NCAM1: variants seen among roughly 807,000 people sequenced by gnomAD.
NCAM1 encodes antigen recognized by monoclonal antibody 5.1H11.
NCAM1 carries 14 observed loss-of-function variants against 109.8 expected under a neutral mutation model. That is an observed-to-expected ratio of 0.13 (90% CI 0.08 to 0.20). The LOEUF is 0.20. Ranked by LOEUF, NCAM1 falls within the 10% of genes least tolerant of loss-of-function variation. The pLI, the probability that NCAM1 is intolerant of heterozygous loss-of-function variation, is 1.00. For synonymous variants in NCAM1, 418 were observed against 442.9 expected, an observed-to-expected ratio of 0.94 and a Z score of 0.70; for missense variants, 774 against 1,109.9, an observed-to-expected ratio of 0.70 and a Z score of 4.30.
At chr11:113,263,170 A>C (rs1194871032) in intron 17 of NCAM1, 1 of 1,182,510 alleles carries the variant, frequency 8.5e-7, no homozygotes, top group Non-Finnish European at 1.0e-6. Context: ...AGAATTTGAG[A>C]GCTCTTTCTT....
intron 1 of NCAM1, among the ~76,000 whole-genome samples, chr11:113,016,429 C>T (rs561132816): frequency 1.3e-5 from 2 of 152,294 alleles, no homozygotes; most frequent in South Asian, 4.1e-4. Context: ...TGGTGCTGCT[C>T]TCATGCCACC....
chr11:113,034,284 T>C (rs980423227), intron 1 of NCAM1, among the ~76,000 whole-genome samples: 7 of 152,162 alleles, frequency 4.6e-5, no homozygotes, highest in Non-Finnish European at 4.4e-5. Context: ...ACTTTTTTTT[T>C]TTCACTTTCA....
At chr11:113,132,355 A>C (rs1356432867) in intron 1 of NCAM1, among the ~76,000 whole-genome samples, 1 of 152,162 alleles carries the variant, frequency 6.6e-6, no homozygotes, top group Non-Finnish European at 1.5e-5. Context: ...TTGCCTCTTT[A>C]ACTAGGAAAA....
At chr11:113,011,740 T>G (rs1952061639) in intron 1 of NCAM1, among the ~76,000 whole-genome samples, 1 of 152,208 alleles carries the variant, frequency 6.6e-6, no homozygotes, top group African/African-American at 2.4e-5. Context: ...GAGGGGATCG[T>G]TAAGCAGTCT....
intron 1 of NCAM1, among the ~76,000 whole-genome samples, chr11:112,965,069 C>T (rs1591193859): frequency 8.1e-6 from 1 of 123,782 alleles, no homozygotes; most frequent in African/African-American, 3.0e-5. Flanking sequence ...ATACCTTTAT[C>T]TAGGATTTTT....
At chr11:113,012,276 C>G (rs1216452270) in intron 1 of NCAM1, among the ~76,000 whole-genome samples, 2 of 152,080 alleles carry the variant, frequency 1.3e-5, no homozygotes, top group Non-Finnish European at 2.9e-5. Context: ...GCCTTGGCCT[C>G]CCAAAGTTTG....
chr11:112,985,815 T>C (rs1951285657), intron 1 of NCAM1, among the ~76,000 whole-genome samples: 1 of 151,944 alleles, frequency 6.6e-6, no homozygotes, highest in South Asian at 2.1e-4. Context: ...GAATCTTTAG[T>C]GTTTTTTAAT....
chr11:113,175,388 A>G (rs1943115601), intron 1 of NCAM1, among the ~76,000 whole-genome samples: 2 of 152,176 alleles, frequency 1.3e-5, no homozygotes, highest in Admixed American at 1.3e-4. Flanking sequence ...GGGTACATCC[A>G]CCCTAGTTGG....
chr11:113,042,130 T>A (rs1361177043), intron 1 of NCAM1, among the ~76,000 whole-genome samples: 1 of 152,188 alleles, frequency 6.6e-6, no homozygotes, highest in Non-Finnish European at 1.5e-5. Flanking sequence ...CTCCAGCAGA[T>A]CCCTGAGCCC....
chr11:113,022,266 G>C (rs1250595168), intron 1 of NCAM1, among the ~76,000 whole-genome samples: 2 of 152,202 alleles, frequency 1.3e-5, no homozygotes, highest in African/African-American at 2.4e-5. Flanking sequence ...AGTTCTCAGA[G>C]ATAAATGTTT....
intron 1 of NCAM1, among the ~76,000 whole-genome samples, chr11:112,995,572 G>T (rs1236519751): frequency 2.0e-5 from 3 of 152,148 alleles, no homozygotes; most frequent in Non-Finnish European, 4.4e-5. Flanking sequence ...TGTAAGCTGT[G>T]CTATTTTGAG....
intron 7 of NCAM1, among the ~76,000 whole-genome samples, chr11:113,210,792 A>ACACACG (rs1221344223): frequency 3.4e-5 from 5 of 146,160 alleles, no homozygotes; most frequent in African/African-American, 1.2e-4. Flanking sequence ...ACACACACAC[A>ACACACG]CACACACACA....
chr11:113,109,908 A>G (rs1003191578), intron 1 of NCAM1, among the ~76,000 whole-genome samples: 2 of 152,190 alleles, frequency 1.3e-5, no homozygotes, highest in Non-Finnish European at 2.9e-5. Context: ...GAGATTTCTC[A>G]GTAATGTATG....
At chr11:113,232,134 G>A (rs1555117366) in intron 10 of NCAM1, 36 bp from the exon 11 acceptor site, 1 of 1,536,922 alleles carries the variant, frequency 6.5e-7, no homozygotes, top group Admixed American at 2.0e-5. Context: ...TCATAATCAT[G>A]GCAGTCATCC....
intron 1 of NCAM1, among the ~76,000 whole-genome samples, chr11:113,188,092 T>C (rs76392459): frequency 0.026 from 3,977 of 152,284 alleles, 167 homozygotes; most frequent in African/African-American, 0.09. Flanking sequence ...CTTCTGTCTG[T>C]TTGCCAGTCC....
rs60389510 is a variant in NCAM1, at chr11:113,199,829, T to TGAAAAAAAAAAAAAAAAA, written c.53-2550_53-2549insGAAAAAAAAAAAAAAAAA. Among the ~76,000 whole-genome samples the TGAAAAAAAAAAAAAAAAA allele has an allele frequency of 2.4e-4, 28 of 115,764 alleles. 2 individuals are homozygous for TGAAAAAAAAAAAAAAAAA. The highest frequency in any genetic ancestry group is 9.2e-4 in the African/African-American group (27 of 29,308). The allele number at this position is 115,764 out of a possible 152,430, so 75.9% of individuals were successfully genotyped here. The stretch of plus-strand genomic sequence containing the variant: ...GCAAATAAAGTAAAAGAAACACCCT[T>TGAAAAAAAAAAAAAAAAA]AAAAAAAAAAAAAAAAAAAACTTCT... On this transcript the variant is annotated intron_variant, in intron 1 of 19. Coordinates refer to ENST00000316851, the MANE Select transcript of NCAM1 (RefSeq NM_181351.5).
At chr11:113,211,133 T>C (rs1944381125) in intron 7 of NCAM1, among the ~76,000 whole-genome samples, 1 of 152,206 alleles carries the variant, frequency 6.6e-6, no homozygotes, top group Non-Finnish European at 1.5e-5. Flanking sequence ...GGGAGCCACC[T>C]GGGGAGGGAC....
At chr11:113,271,941 ACCCCCACCTCCCGTG>A (rs1228788391) in intron 19 of NCAM1, 65 bp downstream of exon 19, 1 of 1,202,336 alleles carries the variant, frequency 8.3e-7, no homozygotes, top group African/African-American at 1.9e-5. Flanking sequence ...TCCCCACCCT[ACCCCCACCTCCCGTG>A]CCCCTACCCA....
chr11:113,188,587 C>T (rs1180804374), intron 1 of NCAM1, among the ~76,000 whole-genome samples: 1 of 152,190 alleles, frequency 6.6e-6, no homozygotes, highest in Non-Finnish European at 1.5e-5. Flanking sequence ...AGTTTTAGAG[C>T]TGTCAGTCCA....
Sources: gnomAD v4.1 joint callset for allele counts (sites outside exome capture counted in the v4.1 genomes callset) on GRCh38, gnomAD v4.1.1 for gene constraint, MANE v1.5 for transcripts, NCBI Gene and HGNC (gene_info 2026-07-23, HGNC 2026-07-21) for gene names.